PPIL3: variants seen among roughly 807,000 people sequenced by gnomAD.
PPIL3 encodes the protein peptidylprolyl isomerase like 3.
Under a neutral mutation model 20.9 loss-of-function variants are expected in PPIL3, and 13 were observed. The ratio of observed to expected loss-of-function variants is 0.62; its 90% CI spans 0.40 to 0.99. The LOEUF (loss-of-function observed/expected upper bound fraction) is 0.99. PPIL3 is among the 50% of genes least tolerant of loss of function. The probability of loss-of-function intolerance (pLI) is 0.00; values close to 1 mark genes in which losing one functional copy is unlikely to be tolerated. For missense variants in PPIL3, 170 were observed against 195.2 expected (o/e 0.87, Z 0.77); for synonymous variants, 71 against 64.4 (o/e 1.10, Z -0.49).
At position 200,887,687 on chromosome 2, in the gene PPIL3, T is replaced by C. The variant is rs576199938; in HGVS notation, c.-70-2A>G. On this transcript the variant is annotated splice_acceptor_variant, in intron 1 of 6. Transcript: ENST00000392283. LOFTEE classifies it low-confidence loss of function (5UTR_SPLICE). ...TACAGCGAGCTCAAAAATAAGTCTC[T>C]AGTCCCAAAAGAAAAAAAGAATTAG... The C allele has an allele frequency of 6.2e-6, 8 of 1,295,796 alleles. No homozygotes were observed. The highest frequency in any genetic ancestry group is 4.0e-5 in the South Asian group (3 of 74,734). The allele number at this position is 1,295,796 out of a possible 1,614,324, so 80.3% of individuals were successfully genotyped here.
chr2:200,880,404 G>A lies in PPIL3; in HGVS notation c.240+1017C>T, dbSNP rs185484613. 3.8e-3 allele frequency among the ~76,000 whole-genome samples: 439 copies of A among 115,796 alleles called. 4 individuals are homozygous for A. Among genetic ancestry groups the A allele is most frequent in the African/African-American group, 0.019 (416 of 21,980 alleles). 76.0% of individuals were successfully genotyped at this position (115,796 alleles called of 152,430 possible). On this transcript the variant is annotated intron_variant, in intron 5 of 6. Transcript: ENST00000392283. ...CACTTAAACTGCATATTTTGATTGA[G>A]TAGACTTTTTTTTTTTTTTGAGTGG...
At chr2:200,876,480 G>A (rs2039520421) in intron 6 of PPIL3, among the ~76,000 whole-genome samples, 1 of 151,162 alleles carries the variant, frequency 6.6e-6, no homozygotes, top group African/African-American at 2.4e-5. Flanking sequence ...GGTACGTTTA[G>A]CTCTCACACC....
rs2039284882 is a variant in PPIL3, at chr2:200,870,952, C to T, written c.*443G>A. The T allele has an allele frequency of 6.5e-6, 1 of 154,654 alleles. No individual in the cohort carries two copies. Among genetic ancestry groups the T allele is most frequent in the African/African-American group, 2.4e-5 (1 of 41,124 alleles). 9.6% of individuals were successfully genotyped at this position (154,654 alleles called of 1,614,324 possible). On this transcript the variant is annotated 3_prime_UTR_variant, in exon 7 of 7. Transcript: ENST00000392283. ...ATTTACGTTTCATATATACCTTATA[C>T]ACATAGCCTGAAGGTAATTTTACAC...
intron 6 of PPIL3, 92 bp from the exon 7 acceptor site, chr2:200,871,613 T>G: frequency 8.6e-7 from 1 of 1,156,898 alleles, no homozygotes; most frequent in Non-Finnish European, 1.2e-6. Flanking sequence ...TAAAAAATAA[T>G]CAAGTCTTAC....
intron 4 of PPIL3, chr2:200,881,710 T>C: frequency 2.1e-6 from 1 of 483,830 alleles, no homozygotes; most frequent in South Asian, 3.2e-5. Context: ...ATTGTTCATA[T>C]ATATTTAAGT....
chr2:200,885,901 T>C (rs1291755144), intron 2 of PPIL3, 129 bp from the exon 3 acceptor site: 6 of 568,886 alleles, frequency 1.1e-5, no homozygotes, highest in African/African-American at 1.9e-5. Flanking sequence ...GCTTCAGAGA[T>C]GACCCATCCA....
intron 2 of PPIL3, among the ~76,000 whole-genome samples, 156 bp from the exon 3 acceptor site, chr2:200,885,928 G>A (rs1379789616): frequency 1.3e-5 from 2 of 150,606 alleles, no homozygotes; most frequent in Non-Finnish European, 2.9e-5. Context: ...AGCTCTTAGA[G>A]GTTAAGTTGT....
upstream of PPIL3, chr2:200,889,289 A>T (rs911527564): frequency 2.8e-5 from 9 of 319,882 alleles, no homozygotes; most frequent in South Asian, 1.7e-4. Flanking sequence ...CCAAACGGAA[A>T]GGACCACTTC....
In PPIL3 at chr2:200,871,479, C is replaced by T; in HGVS notation, c.402G>A (p.Leu134=). The change falls in exon 7 of 7, where the codon TTG becomes TTA. Residue 134 remains leucine (L), a synonymous_variant. Transcript: ENST00000392283. ...GTCGGTATGTCTTCTCATTTACTGG[C>T]AACTTCTCCAACTCATCTAGAGTTT... ...GLETLDELEK[L]PVNEKTYRPL... 6.2e-7 allele frequency: 1 copy of T among 1,612,014 alleles called. No individual in the cohort carries two copies. The highest frequency in any genetic ancestry group is 8.5e-7 in the Non-Finnish European group (1 of 1,178,216).
intron 6 of PPIL3, among the ~76,000 whole-genome samples, chr2:200,874,810 C>A (rs1014597553): frequency 2.0e-4 from 31 of 152,148 alleles, no homozygotes; most frequent in African/African-American, 7.2e-4. Context: ...CTCACTGCAG[C>A]CTTGACACCC....
chr2:200,887,537 C>A, intron 2 of PPIL3, 76 bp downstream of exon 2: 1 of 1,166,252 alleles, frequency 8.6e-7, no homozygotes, highest in Non-Finnish European at 1.3e-6. Context: ...TTTCCATGAA[C>A]TTTTATTGCC....
chr2:200,883,601 A>T (rs144193823), intron 3 of PPIL3, among the ~76,000 whole-genome samples: 64 of 152,232 alleles, frequency 4.2e-4, no homozygotes, highest in African/African-American at 1.3e-3. Context: ...CTTTAAAAAA[A>T]AAATAAATAA....
rs1288859165 is a variant in PPIL3 at position 200,887,671 on chromosome 2, C to T, written c.-56G>A. ...CGTGATTTCTCAGTCTTACAGCGAG[C>T]TCAAAAATAAGTCTCTAGTCCCAAA... On this transcript the variant is annotated 5_prime_UTR_variant, in exon 2 of 7. Coordinates refer to ENST00000392283, the MANE Select transcript of PPIL3 (RefSeq NM_130906.3). The T allele has an allele frequency of 4.0e-6, 6 of 1,508,184 alleles. No individual in the cohort carries two copies. The highest frequency in any genetic ancestry group is 1.4e-5 in the African/African-American group (1 of 71,392). The allele number at this position is 1,508,184 out of a possible 1,614,324, so 93.4% of individuals were successfully genotyped here. A position where few individuals can be genotyped will look rare whatever the true frequency, so the allele number is the denominator to read the frequency against.
intron 6 of PPIL3, among the ~76,000 whole-genome samples, chr2:200,874,012 T>C (rs1401725518): frequency 2.4e-4 from 36 of 151,464 alleles, no homozygotes; most frequent in East Asian, 8.0e-4. Flanking sequence ...GAGACCATCC[T>C]GGCTAACATG....
chr2:200,888,025 C>A (rs1298976290), intron 1 of PPIL3, among the ~76,000 whole-genome samples: 1 of 149,032 alleles, frequency 6.7e-6, no homozygotes, highest in South Asian at 2.1e-4. Context: ...CCACTGCACT[C>A]CAGCCTGGGT....
At position 200,881,989 on chromosome 2, in the gene PPIL3, C is replaced by T. The variant is rs146061604; in HGVS notation, c.172+353G>A. Among the ~76,000 whole-genome samples, 1,191 of 152,284 alleles carry T rather than the reference C, an allele frequency of 7.8e-3. 12 individuals are homozygous for T. The highest frequency in any genetic ancestry group is 0.012 in the South Asian group (58 of 4,830). Reference sequence around the variant, plus strand: ...AACACAGGAACAGAAAACCAAACACCGCATATTCTCACTCATAAGTGGGAG... The same window carrying T: ...AACACAGGAACAGAAAACCAAACACTGCATATTCTCACTCATAAGTGGGAG... On this transcript the variant is annotated intron_variant, in intron 4 of 6. Transcript: ENST00000392283.
rs1197635084 is a variant in PPIL3, at chr2:200,883,605, T to A, written c.79-1170A>T. 5.9e-5 allele frequency among the ~76,000 whole-genome samples: 9 copies of A among 151,912 alleles called. No homozygotes were observed. The South Asian group carries it at 1.5e-3, about 25-fold the overall frequency. ...CTCATCTCTATCTTTAAAAAAAAAA[T>A]AAATAAATGAAAATAATTTCTTAAA... On this transcript the variant is annotated intron_variant, in intron 3 of 6. Coordinates refer to ENST00000392283, the MANE Select transcript of PPIL3 (RefSeq NM_130906.3).
chr2:200,876,867 A>G (rs183562592), intron 6 of PPIL3, 52 bp downstream of exon 6: 40 of 1,294,900 alleles, frequency 3.1e-5, no homozygotes, highest in Non-Finnish European at 4.3e-5. Flanking sequence ...AGCTAAGCAT[A>G]TGCACCACTT....
Position 200,884,612 on chromosome 2 carries a change from C to T in PPIL3, c.78+1086G>A, listed in dbSNP as rs534639164. 3.3e-3 allele frequency among the ~76,000 whole-genome samples: 498 copies of T among 151,840 alleles called. 1 individual carries two copies. The highest frequency in any genetic ancestry group is 5.5e-3 in the Admixed American group (84 of 15,242). ...AAAATTAGCCTGGCATGGTGGCACA[C>T]GCCTGTAGTCCTATCTACTTGGGAG... On this transcript the variant is annotated intron_variant, in intron 3 of 6. Transcript: ENST00000392283.
Sources: allele counts gnomAD v4.1 joint callset (sites outside exome capture counted in the v4.1 genomes callset), GRCh38; gene constraint gnomAD v4.1.1; transcripts MANE v1.5; gene names NCBI Gene and HGNC (gene_info 2026-07-23, HGNC 2026-07-21).